ALG9: variants seen among roughly 807,000 people sequenced by gnomAD.
ALG9 encodes the protein alpha-1,2-mannosyltransferase ALG9.
A neutral mutation model predicts 81.8 loss-of-function variants in ALG9; 55 were observed. The observed-to-expected ratio is 0.67, with a 90% CI of 0.54 to 0.84. The LOEUF (loss-of-function observed/expected upper bound fraction) is 0.84, where lower values mean the gene tolerates loss of function less well. Ranked by LOEUF, ALG9 falls within the 40% of genes least tolerant of loss-of-function variation. The pLI is 0.00. For missense variants in ALG9, 629 were observed against 745.0 expected (o/e 0.84, Z 1.81); for synonymous variants, 278 against 274.3 (o/e 1.01, Z -0.13).
At chr11:111,835,350 T>C (rs1357708462) in intron 13 of ALG9, among the ~76,000 whole-genome samples, 3 of 152,218 alleles carry the variant, frequency 2.0e-5, no homozygotes, top group African/African-American at 7.2e-5. Flanking sequence ...ATGTCAAAAG[T>C]GTCATCTTTC....
Position 111,823,002 on chromosome 11 carries a change from C to T in ALG9, c.1602+13163G>A, listed in dbSNP as rs1240159594. 5.9e-5 allele frequency among the ~76,000 whole-genome samples: 9 copies of T among 152,298 alleles called. No individual in the cohort carries two copies. The South Asian group carries it at 1.9e-3, about 32-fold the overall frequency. On this transcript the variant is annotated intron_variant, in intron 13 of 14. Coordinates refer to ENST00000616540, the MANE Select transcript of ALG9 (RefSeq NM_024740.2). ...TCACACCATTGCCCTCCAGCCTGGG[C>T]AACAAAACTGAAACTCTGTCTCAAA...
chr11:111,810,475 G>A (rs1165820861), intron 13 of ALG9, among the ~76,000 whole-genome samples: 4 of 152,170 alleles, frequency 2.6e-5, no homozygotes, highest in Non-Finnish European at 5.9e-5. Context: ...ACTATGCTGA[G>A]CCAGGTCCGG....
At chr11:111,800,640 T>C (rs1307156928) in intron 14 of ALG9, among the ~76,000 whole-genome samples, 2 of 152,138 alleles carry the variant, frequency 1.3e-5, no homozygotes, top group East Asian at 1.9e-4. Context: ...TCACTCCTCT[T>C]GCAACACCCT....
intron 14 of ALG9, among the ~76,000 whole-genome samples, chr11:111,791,932 A>T (rs1555070771): frequency 6.6e-6 from 1 of 152,164 alleles, no homozygotes; most frequent in Non-Finnish European, 1.5e-5. Context: ...AAAAATACAA[A>T]ATTAGTTGGC....
At chr11:111,789,000 C>T (rs115236168) in intron 14 of ALG9, among the ~76,000 whole-genome samples, 2,627 of 146,216 alleles carry the variant, frequency 0.018, 78 homozygotes, top group African/African-American at 0.06. Flanking sequence ...TTTTAGTTTT[C>T]AACTTTCTTT....
chr11:111,793,263 T>A (rs1356372788), intron 14 of ALG9, among the ~76,000 whole-genome samples: 2 of 152,186 alleles, frequency 1.3e-5, no homozygotes, highest in African/African-American at 4.8e-5. Flanking sequence ...ATTACAGGTA[T>A]GAGTCACTGC....
intron 11 of ALG9, 25 bp downstream of exon 11, chr11:111,838,224 G>A: frequency 6.2e-7 from 1 of 1,613,394 alleles, no homozygotes; most frequent in Non-Finnish European, 8.5e-7. Flanking sequence ...GTCAGTGTAG[G>A]TTAAGATATT....
rs188838129 is a variant in ALG9, at chr11:111,794,156, T to G, written c.1734-7636A>C. Among the ~76,000 whole-genome samples the G allele has an allele frequency of 3.5e-3, 526 of 152,300 alleles. 9 individuals carry two copies. Among genetic ancestry groups the G allele is most frequent in the Non-Finnish European group, 5.9e-4 (40 of 68,036 alleles). ...GCTGAGGAGCATTCGGCGGTGGAGA[T>G]TTAAATCTGCTCTTGCTGACGTCAA... is the stretch of plus-strand genomic sequence containing the variant. On this transcript the variant is annotated intron_variant, in intron 14 of 14. Transcript: ENST00000616540.
In ALG9 at chr11:111,868,658, G is replaced by A. The variant is rs782017082; in HGVS notation, c.349C>T (p.Leu117=). The A allele has an allele frequency of 1.9e-6, 3 of 1,613,908 alleles. No individual in the cohort carries two copies. Among genetic ancestry groups the A allele is most frequent in the Middle Eastern group, 1.6e-4 (1 of 6,084 alleles). ...PAYAIRSYAY[L]LLHAWPAAFH... ...GCAGCTGGCCAGGCATGAAGCAACA[G>A]GTAAGCATAGGAGCGAATGGCATAT... Residue 117 remains leucine (L), a synonymous_variant, in exon 3 of 15, where the codon CTG becomes TTG. Coordinates refer to ENST00000616540, the MANE Select transcript of ALG9 (RefSeq NM_024740.2).
chr11:111,862,887 G>A (rs1333869768), intron 4 of ALG9, among the ~76,000 whole-genome samples: 2 of 151,986 alleles, frequency 1.3e-5, no homozygotes, highest in African/African-American at 2.4e-5. Flanking sequence ...TGAACGTTCT[G>A]TTGACTGTTA....
At chr11:111,850,261 A>ACC (rs2137007568) in intron 8 of ALG9, among the ~76,000 whole-genome samples, 1 of 152,316 alleles carries the variant, frequency 6.6e-6, no homozygotes, top group African/African-American at 2.4e-5. Flanking sequence ...CACTAATGTA[A>ACC]CCCAATGGAT....
chr11:111,803,918 C>T (rs1245874650), intron 14 of ALG9, among the ~76,000 whole-genome samples: 4 of 151,588 alleles, frequency 2.6e-5, no homozygotes, highest in Admixed American at 6.6e-5. Flanking sequence ...GGATCACTTG[C>T]GGTCAGGAGT....
chr11:111,833,542 G>A (rs1368422513), intron 13 of ALG9, among the ~76,000 whole-genome samples: 5 of 152,188 alleles, frequency 3.3e-5, no homozygotes, highest in Admixed American at 6.5e-5. Flanking sequence ...AACTTTCCTC[G>A]TTTCCATGCA....
chr11:111,819,441 T>C (rs1951979401), intron 13 of ALG9, among the ~76,000 whole-genome samples: 1 of 152,238 alleles, frequency 6.6e-6, no homozygotes, highest in Admixed American at 6.5e-5. Context: ...GAAAATCCTC[T>C]GGTAAACAAC....
At chr11:111,792,195 A>G (rs1365816780) in intron 14 of ALG9, among the ~76,000 whole-genome samples, 1 of 152,168 alleles carries the variant, frequency 6.6e-6, no homozygotes, top group Non-Finnish European at 1.5e-5. Flanking sequence ...TCATTCTACA[A>G]TTCACAATTT....
rs1156280631 is a variant in ALG9 at position 111,785,132 on chromosome 11, G to A, written c.*1265C>T. On this transcript the variant is annotated 3_prime_UTR_variant, in exon 15 of 15. Coordinates refer to ENST00000616540, the MANE Select transcript of ALG9 (RefSeq NM_024740.2). Reference sequence around the variant, plus strand: ...GCAATAGATGAGAGTAAGGAAACCTGGGTTCCAGTCCCAGCTCTATTACTT... The same window carrying A: ...GCAATAGATGAGAGTAAGGAAACCTAGGTTCCAGTCCCAGCTCTATTACTT... 6.6e-6 allele frequency: 1 copy of A among 152,582 alleles called. No individual in the cohort carries two copies. Among genetic ancestry groups the A allele is most frequent in the Non-Finnish European group, 1.5e-5 (1 of 68,042 alleles). The allele number at this position is 152,582 out of a possible 1,614,324, so 9.5% of individuals were successfully genotyped here. A position where few individuals can be genotyped will look rare whatever the true frequency, so the allele number is the denominator to read the frequency against.
intron 13 of ALG9, among the ~76,000 whole-genome samples, chr11:111,818,405 T>G (rs1951837323): frequency 6.6e-6 from 1 of 152,174 alleles, no homozygotes; most frequent in African/African-American, 2.4e-5. Flanking sequence ...CCATCAAACA[T>G]GCAGTCTGCC....
At chr11:111,796,238 T>C (rs1591831408) in intron 14 of ALG9, among the ~76,000 whole-genome samples, 1 of 152,256 alleles carries the variant, frequency 6.6e-6, no homozygotes, top group Non-Finnish European at 1.5e-5. Context: ...ACACAATCAA[T>C]ACATATTTTC....
chr11:111,855,313 A>G (rs1318808262), intron 6 of ALG9, among the ~76,000 whole-genome samples: 1 of 152,258 alleles, frequency 6.6e-6, no homozygotes, highest in African/African-American at 2.4e-5. Flanking sequence ...CCTCCATGAC[A>G]TAAAGCAATG....
Sources: gnomAD v4.1 joint callset for allele counts (sites outside exome capture counted in the v4.1 genomes callset) on GRCh38, gnomAD v4.1.1 for gene constraint, MANE v1.5 for transcripts, NCBI Gene and HGNC (gene_info 2026-07-23, HGNC 2026-07-21) for gene names.